The following PTPRD variants were observed in gnomAD, a reference collection of about 807,000 sequenced individuals.
The protein encoded by PTPRD is protein tyrosine phosphatase receptor type D.
A neutral mutation model predicts 214.5 loss-of-function variants in PTPRD; 34 were observed. The observed-to-expected ratio is 0.16, with a 90% CI of 0.12 to 0.21. The LOEUF (loss-of-function observed/expected upper bound fraction) is 0.21, where lower values mean the gene tolerates loss of function less well. Ranked by LOEUF, PTPRD falls within the 10% of genes least tolerant of loss-of-function variation. The pLI, the probability that PTPRD is intolerant of heterozygous loss-of-function variation, is 1.00. For synonymous variants in PTPRD, 1,128 were observed against 845.7 expected, an observed-to-expected ratio of 1.33 and a Z score of -5.79; for missense variants, 2,545 against 2,398.7, an observed-to-expected ratio of 1.06 and a Z score of -1.27.
intron 10 of PTPRD, among the ~76,000 whole-genome samples, chr9:9,067,931 C>A (rs1488258012): frequency 1.3e-5 from 2 of 152,098 alleles, no homozygotes; most frequent in Non-Finnish European, 2.9e-5. Flanking sequence ...TGTTCCATTA[C>A]CTCAAGTGTC....
chr9:9,343,439 C>G (rs1054021917), intron 9 of PTPRD, among the ~76,000 whole-genome samples: 1 of 152,138 alleles, frequency 6.6e-6, no homozygotes. Flanking sequence ...AGTGGTATCT[C>G]ACTGTGGTTT....
At chr9:8,321,526 T>TATATATATATATATATAA (rs1327118226) in intron 44 of PTPRD, among the ~76,000 whole-genome samples, 10 of 115,780 alleles carry the variant, frequency 8.6e-5, no homozygotes, top group Admixed American at 1.8e-4. Flanking sequence ...TATATATATA[T>TATATATATATATATATAA]AAAAGGTATA....
intron 11 of PTPRD, among the ~76,000 whole-genome samples, chr9:8,757,501 C>T (rs892977535): frequency 1.3e-5 from 2 of 151,614 alleles, no homozygotes; most frequent in Admixed American, 6.6e-5. Context: ...GTGAGTAAAG[C>T]CAATTTGTGG....
chr9:9,589,336 T>G (rs1402239183), intron 7 of PTPRD, among the ~76,000 whole-genome samples: 1 of 151,972 alleles, frequency 6.6e-6, no homozygotes, highest in Non-Finnish European at 1.5e-5. Flanking sequence ...TTTTTTTCAT[T>G]TATTTAATAA....
intron 6 of PTPRD, among the ~76,000 whole-genome samples, chr9:9,754,289 C>T (rs1456047161): frequency 6.6e-6 from 1 of 151,984 alleles, no homozygotes; most frequent in Admixed American, 6.6e-5. Context: ...CTTACACGCC[C>T]CGTAATGAAG....
chr9:9,356,188 C>A (rs1209170558), intron 9 of PTPRD, among the ~76,000 whole-genome samples: 1 of 150,992 alleles, frequency 6.6e-6, no homozygotes, highest in Non-Finnish European at 1.5e-5. Flanking sequence ...GAGAGTGAAT[C>A]TGGCAGAGGA....
At chr9:9,402,104 G>T (rs976035005) in intron 8 of PTPRD, among the ~76,000 whole-genome samples, 2 of 152,030 alleles carry the variant, frequency 1.3e-5, no homozygotes, top group Non-Finnish European at 2.9e-5. Flanking sequence ...TTGCCAAAAA[G>T]TTGTGTCAGA....
intron 14 of PTPRD, among the ~76,000 whole-genome samples, chr9:8,624,839 C>A (rs2154305284): frequency 6.6e-6 from 1 of 151,886 alleles, no homozygotes; most frequent in African/African-American, 2.4e-5. Context: ...TTCTCTTTCC[C>A]TTTGCCTCGA....
intron 10 of PTPRD, among the ~76,000 whole-genome samples, chr9:9,148,187 A>C (rs534404061): frequency 6.6e-6 from 1 of 152,160 alleles, no homozygotes; most frequent in Non-Finnish European, 1.5e-5. Context: ...AGAGAAAAAA[A>C]AATTGCATGT....
In PTPRD at chr9:10,213,327, A is replaced by AG. The variant is rs141686791; in HGVS notation, c.-545+127635dup. On this transcript the variant is annotated intron_variant, in intron 3 of 45. Coordinates refer to ENST00000381196, the MANE Select transcript of PTPRD (RefSeq NM_002839.4). ...GAGAGAATAAGGATTGTTGTGGCCC[A>AG]GGATAATCAGGGAATGTTTCAGAGA... Among the ~76,000 whole-genome samples the AG allele has an allele frequency of 3.6e-3, 551 of 152,222 alleles. 1 individual carries two copies. Among genetic ancestry groups the AG allele is most frequent in the African/African-American group, 0.013 (541 of 41,548 alleles).
intron 3 of PTPRD, among the ~76,000 whole-genome samples, chr9:10,063,664 C>A (rs417131): frequency 0.18 from 26,943 of 151,886 alleles, 5,483 homozygotes; most frequent in African/African-American, 0.5. Context: ...CAAATATACA[C>A]AATTTGGTAA....
rs2136311106 is a variant in PTPRD at position 8,492,959 on chromosome 9, G to C, written c.2370C>G (p.Leu790=). 6.2e-7 allele frequency: 1 copy of C among 1,613,500 alleles called. No individual in the cohort carries two copies. The highest frequency in any genetic ancestry group is 8.5e-7 in the Non-Finnish European group (1 of 1,179,520). The part of the protein sequence containing the change: ...TTEHDMIISG[L]QPETSYSLTV... ...TGAGGGAGTAGGAAGTTTCAGGCTG[G>C]AGCCCAGAAATGATCATGTCCTGAA... Residue 790 remains leucine (L), a synonymous_variant, in exon 27 of 46, where the codon CTC becomes CTG. Transcript: ENST00000381196.
At chr9:9,110,410 G>C (rs547462013) in intron 10 of PTPRD, among the ~76,000 whole-genome samples, 2 of 152,226 alleles carry the variant, frequency 1.3e-5, no homozygotes, top group Admixed American at 6.5e-5. Context: ...TTTTCAACAA[G>C]TCCTCTTGGT....
At chr9:9,501,024 G>T (rs1430290697) in intron 8 of PTPRD, among the ~76,000 whole-genome samples, 2 of 151,406 alleles carry the variant, frequency 1.3e-5, no homozygotes, top group African/African-American at 4.9e-5. Flanking sequence ...AAGCTACTTA[G>T]GAAATAAAAT....
intron 39 of PTPRD, among the ~76,000 whole-genome samples, chr9:8,368,676 C>CTTTTTTTTTTTTTTTTTTTTTTTTTTT (rs199556434): frequency 8.5e-6 from 1 of 117,346 alleles, no homozygotes. Flanking sequence ...CCTTTTAATG[C>CTTTTTTTTTTTTTTTTTTTTTTTTTTT]TTTTTTTTTT....
intron 2 of PTPRD, among the ~76,000 whole-genome samples, chr9:10,575,189 G>A (rs932660083): frequency 2.6e-5 from 4 of 151,842 alleles, no homozygotes; most frequent in African/African-American, 9.7e-5. Flanking sequence ...AAATAGGTAG[G>A]TCCTTTCAAA....
chr9:9,196,222 T>A (rs1416717006), intron 9 of PTPRD, among the ~76,000 whole-genome samples: 1 of 152,178 alleles, frequency 6.6e-6, no homozygotes, highest in Non-Finnish European at 1.5e-5. Context: ...ATTACCAATA[T>A]CTTAAGGTTT....
At chr9:9,811,690 G>C (rs1278986915) in intron 5 of PTPRD, among the ~76,000 whole-genome samples, 4 of 152,168 alleles carry the variant, frequency 2.6e-5, no homozygotes, top group African/African-American at 9.7e-5. Flanking sequence ...CTGGGTGACA[G>C]AGCGAGACTC....
intron 9 of PTPRD, among the ~76,000 whole-genome samples, chr9:9,230,752 AAG>A (rs1220726396): frequency 2.0e-5 from 3 of 152,218 alleles, no homozygotes; most frequent in Admixed American, 6.5e-5. Flanking sequence ...TCTCCAGACT[AAG>A]AGATGCTATA....
Sources: gnomAD v4.1 joint callset for allele counts (sites outside exome capture counted in the v4.1 genomes callset) on GRCh38, gnomAD v4.1.1 for gene constraint, MANE v1.5 for transcripts, NCBI Gene and HGNC (gene_info 2026-07-23, HGNC 2026-07-21) for gene names.